CTNNA3: variants seen among roughly 807,000 people sequenced by gnomAD.
CTNNA3 encodes catenin alpha 3.
In CTNNA3, 76 loss-of-function variants were observed where a neutral mutation model predicts 95.7. The observed-to-expected ratio is 0.79, with a 90% CI of 0.66 to 0.96. The LOEUF is 0.96. CTNNA3 is among the 40% of genes least tolerant of loss of function. The probability of loss-of-function intolerance (pLI) is 0.00; values close to 1 mark genes in which losing one functional copy is unlikely to be tolerated. For missense variants in CTNNA3, 1,191 were observed against 1,089.8 expected (o/e 1.09, Z -1.31); for synonymous variants, 431 against 374.4 (o/e 1.15, Z -1.74).
At chr10:67,644,420 C>A (rs1346901638) in intron 2 of CTNNA3, among the ~76,000 whole-genome samples, 1 of 150,476 alleles carries the variant, frequency 6.6e-6, no homozygotes, top group Non-Finnish European at 1.5e-5. Flanking sequence ...CTATTCTTAT[C>A]TAAAAAAATA....
At chr10:67,416,166 C>T (rs1845530018) in intron 5 of CTNNA3, among the ~76,000 whole-genome samples, 1 of 152,028 alleles carries the variant, frequency 6.6e-6, no homozygotes, top group Non-Finnish European at 1.5e-5. Flanking sequence ...AACTAAAGAG[C>T]TTCTGCATGG....
intron 13 of CTNNA3, among the ~76,000 whole-genome samples, chr10:66,247,592 C>T (rs2090388316): frequency 6.6e-6 from 1 of 152,060 alleles, no homozygotes; most frequent in African/African-American, 2.4e-5. Context: ...ATCATAAATG[C>T]AGCAAGAGAA....
chr10:66,769,951 T>G (rs1404945749), intron 8 of CTNNA3, among the ~76,000 whole-genome samples: 1 of 152,188 alleles, frequency 6.6e-6, no homozygotes, highest in East Asian at 1.9e-4. Context: ...AGTCACTGCT[T>G]TCAGGAAAAC....
intron 5 of CTNNA3, among the ~76,000 whole-genome samples, chr10:67,230,698 G>T (rs986661130): frequency 6.6e-6 from 1 of 152,184 alleles, no homozygotes; most frequent in Non-Finnish European, 1.5e-5. Context: ...GGAACAGCTC[G>T]GTCTACAGCT....
intron 5 of CTNNA3, among the ~76,000 whole-genome samples, chr10:67,344,768 T>C (rs1210311750): frequency 6.6e-6 from 1 of 152,000 alleles, no homozygotes; most frequent in East Asian, 1.9e-4. Context: ...GGTTTGTCAA[T>C]TTTGTTTAGC....
intron 11 of CTNNA3, among the ~76,000 whole-genome samples, chr10:66,405,916 A>G (rs1389439065): frequency 6.6e-6 from 1 of 152,150 alleles, no homozygotes; most frequent in Non-Finnish European, 1.5e-5. Context: ...ACTGACTACC[A>G]GGGTGGAAAT....
chr10:67,637,595 T>C (rs1347010535), intron 2 of CTNNA3, among the ~76,000 whole-genome samples: 2 of 151,522 alleles, frequency 1.3e-5, no homozygotes, highest in African/African-American at 2.4e-5. Context: ...AAGGAAAAAA[T>C]GGTAAGGGCA....
intron 7 of CTNNA3, among the ~76,000 whole-genome samples, chr10:67,040,504 A>G (rs922162336): frequency 5.9e-5 from 9 of 152,190 alleles, no homozygotes; most frequent in Non-Finnish European, 1.0e-4. Flanking sequence ...CACTGCTTCT[A>G]CCCCATGGTG....
chr10:66,599,371 C>T (rs898544581), intron 10 of CTNNA3, among the ~76,000 whole-genome samples: 7 of 152,032 alleles, frequency 4.6e-5, no homozygotes, highest in African/African-American at 1.7e-4. Flanking sequence ...TAAGTATTCG[C>T]TTAAGAGAAA....
intron 5 of CTNNA3, among the ~76,000 whole-genome samples, chr10:67,424,420 G>A (rs529529065): frequency 6.6e-6 from 1 of 152,072 alleles, no homozygotes; most frequent in East Asian, 1.9e-4. Context: ...TTACATATGA[G>A]TTTTTGCTTT....
chr10:66,418,112 T>TA lies in CTNNA3; in HGVS notation c.1532-38761dup, dbSNP rs201086969. Among the ~76,000 whole-genome samples, 680 of 135,074 alleles carry TA rather than the reference T, an allele frequency of 5.0e-3. 4 individuals are homozygous for TA. The highest frequency in any genetic ancestry group is 0.015 in the Middle Eastern group (4 of 264). The allele number at this position is 135,074 out of a possible 152,430, so 88.6% of individuals were successfully genotyped here. A position where few individuals can be genotyped will look rare whatever the true frequency, so the allele number is the denominator to read the frequency against. On this transcript the variant is annotated intron_variant, in intron 11 of 17. Coordinates refer to ENST00000433211, the MANE Select transcript of CTNNA3 (RefSeq NM_013266.4). Reference sequence around the variant, plus strand: ...AAAGTATAAACAAAATTGAAAACATTAAAAAAAAAAAAAACTACGAGCTAG... The same window carrying TA: ...AAAGTATAAACAAAATTGAAAACATTAAAAAAAAAAAAAAACTACGAGCTAG...
At chr10:67,105,926 G>A (rs1858609328) in intron 7 of CTNNA3, among the ~76,000 whole-genome samples, 1 of 152,122 alleles carries the variant, frequency 6.6e-6, no homozygotes, top group Non-Finnish European at 1.5e-5. Flanking sequence ...TGGATGTGAT[G>A]GAAACTTAAG....
intron 9 of CTNNA3, among the ~76,000 whole-genome samples, chr10:66,743,494 C>G (rs10740256): frequency 0.77 from 117,282 of 152,060 alleles, 45,369 homozygotes; most frequent in East Asian, 0.94. Context: ...ATACTCTAAA[C>G]CCATTTTGGG....
chr10:66,851,503 A>G (rs1445114166), intron 7 of CTNNA3, among the ~76,000 whole-genome samples: 1 of 152,034 alleles, frequency 6.6e-6, no homozygotes, highest in African/African-American at 2.4e-5. Context: ...ATGTGGTTGG[A>G]TCAGGGGGGT....
intron 3 of CTNNA3, among the ~76,000 whole-genome samples, chr10:67,551,405 C>A (rs1400756767): frequency 6.6e-6 from 1 of 152,132 alleles, no homozygotes; most frequent in Non-Finnish European, 1.5e-5. Flanking sequence ...CCCCCACCTG[C>A]TGAGAGCTAC....
intron 7 of CTNNA3, among the ~76,000 whole-genome samples, chr10:67,005,608 G>T (rs1851921467): frequency 6.7e-6 from 1 of 148,612 alleles, no homozygotes; most frequent in Admixed American, 6.8e-5. Context: ...AAAGGTATGT[G>T]GTCTCAAATC....
rs141752243 is a variant in CTNNA3 at position 67,066,232 on chromosome 10, G to A, written c.1047+114085C>T. Among the ~76,000 whole-genome samples the A allele has an allele frequency of 7.4e-3, 924 of 124,470 alleles. 10 individuals carry two copies. Among genetic ancestry groups the A allele is most frequent in the African/African-American group, 0.028 (867 of 30,646 alleles). The allele number at this position is 124,470 out of a possible 152,430, so 81.7% of individuals were successfully genotyped here. A position where few individuals can be genotyped will look rare whatever the true frequency, so the allele number is the denominator to read the frequency against. ...TTTTTTGAGACAGTCTTGCTCCATC[G>A]CCCAGGCTAGAGTGCAGTGGCACCA... is the stretch of plus-strand genomic sequence containing the variant. On this transcript the variant is annotated intron_variant, in intron 7 of 17. Coordinates refer to ENST00000433211, the MANE Select transcript of CTNNA3 (RefSeq NM_013266.4).
intron 1 of CTNNA3, among the ~76,000 whole-genome samples, chr10:67,743,706 T>C (rs375426817): frequency 1.3e-4 from 20 of 151,194 alleles, no homozygotes; most frequent in South Asian, 2.1e-4. Flanking sequence ...AAGAGGAAGT[T>C]AAATTGTCCC....
At chr10:66,009,119 T>C (rs1056173356) in intron 15 of CTNNA3, among the ~76,000 whole-genome samples, 1 of 151,976 alleles carries the variant, frequency 6.6e-6, no homozygotes, top group Non-Finnish European at 1.5e-5. Context: ...AAAAATTCTG[T>C]ACTTCACGTA....
Sources: allele counts gnomAD v4.1 joint callset (sites outside exome capture counted in the v4.1 genomes callset), GRCh38; gene constraint gnomAD v4.1.1; transcripts MANE v1.5; gene names NCBI Gene and HGNC (gene_info 2026-07-23, HGNC 2026-07-21).